The following ABCD3 variants were observed in gnomAD, a reference collection of about 807,000 sequenced individuals.
ABCD3 encodes ATP-binding cassette sub-family D member 3.
In ABCD3, 41 loss-of-function variants were observed where a neutral mutation model predicts 105.5. The observed-to-expected ratio is 0.39, with a 90% CI of 0.30 to 0.50. The LOEUF is 0.50. Ranked by LOEUF, ABCD3 falls within the 20% of genes least tolerant of loss-of-function variation. ABCD3 has a pLI of 0.84. For missense variants in ABCD3, 622 were observed against 806.3 expected (o/e 0.77, Z 2.77); for synonymous variants, 258 against 269.0 (o/e 0.96, Z 0.40).
chr1:94,388,877 A>AAAT, the ABCD3 span, among the ~76,000 whole-genome samples: 1 of 152,190 alleles, frequency 6.6e-6, no homozygotes, highest in African/African-American at 2.4e-5. Context: ...GGCAGCCACT[A>AAAT]TGGACAACTG....
intron 1 of ABCD3, among the ~76,000 whole-genome samples, chr1:94,456,158 A>G (rs1052977915): frequency 3.4e-5 from 5 of 148,500 alleles, no homozygotes; most frequent in South Asian, 2.1e-4. Context: ...TAGATTCCAC[A>G]TGTAAGTGAG....
chr1:94,516,332 A>ATTTT (rs1179759991), intron 22 of ABCD3, among the ~76,000 whole-genome samples: 17 of 151,998 alleles, frequency 1.1e-4, no homozygotes, highest in African/African-American at 4.1e-4. Context: ...ACTTTTAAAG[A>ATTTT]TAGCTTTTAT....
the ABCD3 span, among the ~76,000 whole-genome samples, chr1:94,396,985 T>A: frequency 1.3e-5 from 2 of 152,156 alleles, no homozygotes; most frequent in Admixed American, 6.5e-5. Context: ...TATATTTAAA[T>A]TTTTTTAGGA....
intron 1 of ABCD3, among the ~76,000 whole-genome samples, chr1:94,445,633 C>T (rs545549109): frequency 9.9e-5 from 15 of 152,254 alleles, no homozygotes; most frequent in African/African-American, 3.6e-4. Context: ...AGTGGCCTGA[C>T]CCTCCAGATC....
At chr1:94,496,694 G>GTTTTTTTTTTTTTTTT (rs71094302) in intron 16 of ABCD3, among the ~76,000 whole-genome samples, 1 of 39,368 alleles carries the variant, frequency 2.5e-5, no homozygotes, top group Non-Finnish European at 4.1e-5. Flanking sequence ...CCTTGTTTCT[G>GTTTTTTTTTTTTTTTT]TTTTTTTTTT....
intron 1 of ABCD3, chr1:94,419,277 G>C (rs919925905): frequency 1.0e-6 from 1 of 985,214 alleles, no homozygotes; most frequent in Non-Finnish European, 1.2e-6. Flanking sequence ...AGAGGGAAAT[G>C]TTTTCCTTCC....
chr1:94,475,312 A>G (rs1648685351), intron 6 of ABCD3, 72 bp downstream of exon 6: 3 of 1,061,614 alleles, frequency 2.8e-6, no homozygotes, highest in East Asian at 5.3e-5. Context: ...TCAATATAGC[A>G]GTTTTTCTTA....
At chr1:94,473,126 C>A (rs958724049) in intron 4 of ABCD3, among the ~76,000 whole-genome samples, 1 of 152,154 alleles carries the variant, frequency 6.6e-6, no homozygotes, top group African/African-American at 2.4e-5. Context: ...GGGCTCTGAT[C>A]TATGCGTTAG....
intron 1 of ABCD3, among the ~76,000 whole-genome samples, chr1:94,435,059 A>G (rs958604319): frequency 6.6e-6 from 1 of 152,110 alleles, no homozygotes; most frequent in Admixed American, 6.6e-5. Flanking sequence ...TATTCCCTGA[A>G]GCAGCCAGTT....
upstream of ABCD3, among the ~76,000 whole-genome samples, chr1:94,416,560 A>G (rs1659023520): frequency 6.6e-6 from 1 of 152,148 alleles, no homozygotes; most frequent in Non-Finnish European, 1.5e-5. Context: ...TCCAAAATGA[A>G]GGTCTCAGTA....
intron 1 of ABCD3, among the ~76,000 whole-genome samples, chr1:94,426,888 C>A (rs1436366317): frequency 5.2e-5 from 7 of 134,754 alleles, no homozygotes; most frequent in Admixed American, 3.9e-4. Flanking sequence ...GGGTGCAGGT[C>A]TTTATACTTA....
At position 94,507,846 on chromosome 1, in the gene ABCD3, T is replaced by G. The variant is rs1030330609; in HGVS notation, c.1845+1204T>G. The stretch of plus-strand genomic sequence containing the variant: ...CACTTTTTGATGGGGTTGTTTGTTT[T>G]TTTCTTGTAAATTTGTTTGAGTTCA... On this transcript the variant is annotated intron_variant, in intron 21 of 22. Coordinates refer to ENST00000370214, the MANE Select transcript of ABCD3 (RefSeq NM_002858.4). Among the ~76,000 whole-genome samples, 767 of 145,460 alleles carry G rather than the reference T, an allele frequency of 5.3e-3. 9 individuals carry two copies. The highest frequency in any genetic ancestry group is 0.018 in the African/African-American group (723 of 39,606).
chr1:94,477,700 G>A (rs1377874883), intron 7 of ABCD3, among the ~76,000 whole-genome samples: 1 of 67,880 alleles, frequency 1.5e-5, no homozygotes, highest in Non-Finnish European at 4.9e-5. Context: ...GTCTCTGTGT[G>A]TAAAGAGCAG....
At chr1:94,492,145 A>T (rs1185166636) in intron 16 of ABCD3, among the ~76,000 whole-genome samples, 1 of 152,158 alleles carries the variant, frequency 6.6e-6, no homozygotes, top group Non-Finnish European at 1.5e-5. Context: ...AAATAGCCAC[A>T]TGTGAGTAGT....
At chr1:94,504,879 G>A (rs1028263028) in intron 20 of ABCD3, among the ~76,000 whole-genome samples, 5 of 152,136 alleles carry the variant, frequency 3.3e-5, no homozygotes, top group African/African-American at 1.2e-4. Flanking sequence ...TGGAGATGAG[G>A]AAAAGTGAGT....
intron 8 of ABCD3, among the ~76,000 whole-genome samples, chr1:94,479,960 T>C (rs1199971184): frequency 6.6e-6 from 1 of 152,056 alleles, no homozygotes; most frequent in African/African-American, 2.4e-5. Flanking sequence ...GGAGCTGAAC[T>C]TGAGGCATCT....
At chr1:94,506,703 C>A in intron 21 of ABCD3, 61 bp downstream of exon 21, 2 of 1,198,470 alleles carry the variant, frequency 1.7e-6, no homozygotes, top group Non-Finnish European at 2.5e-6. Flanking sequence ...AAACTATGTC[C>A]AAATCTGTCC....
chr1:94,492,962 A>G (rs887851202), intron 16 of ABCD3, among the ~76,000 whole-genome samples: 1 of 152,176 alleles, frequency 6.6e-6, no homozygotes. Flanking sequence ...TGTCGTTTCT[A>G]TAATTTCACT....
the ABCD3 span, chr1:94,406,850 G>T: frequency 6.1e-6 from 1 of 164,312 alleles, no homozygotes; most frequent in East Asian, 1.7e-4. Context: ...ACATGTATTG[G>T]GTGGCTCTCC....
Sources: allele counts gnomAD v4.1 joint callset (sites outside exome capture counted in the v4.1 genomes callset), GRCh38; gene constraint gnomAD v4.1.1; transcripts MANE v1.5; gene names NCBI Gene and HGNC (gene_info 2026-07-23, HGNC 2026-07-21).